TMEM209: variants seen among roughly 807,000 people sequenced by gnomAD.
TMEM209 encodes the protein testicular tissue protein Li 202.
In TMEM209, 65 loss-of-function variants were observed where a neutral mutation model predicts 76.2. That is an observed-to-expected ratio of 0.85 (90% CI 0.70 to 1.05). TMEM209 has a LOEUF of 1.05. Among genes scored for constraint, TMEM209 ranks in the 50% least tolerant of loss-of-function variants. The pLI, the probability that TMEM209 is intolerant of heterozygous loss-of-function variation, is 0.00. For missense variants in TMEM209, 623 were observed against 685.5 expected, an observed-to-expected ratio of 0.91 and a Z score of 1.02; for synonymous variants, 239 against 237.6, an observed-to-expected ratio of 1.01 and a Z score of -0.06.
Position 130,178,519 on chromosome 7 carries a change from T to TA in TMEM209, c.1128dup (p.Ile377TyrfsTer3), listed in dbSNP as rs1797314207. 1 of 1,613,216 alleles carries TA rather than the reference T, an allele frequency of 6.2e-7. No individual in the cohort carries two copies. The highest frequency in any genetic ancestry group is 8.5e-7 in the Non-Finnish European group (1 of 1,179,696). On this transcript the variant is annotated frameshift_variant, in exon 10 of 15. Transcript: ENST00000397622. LOFTEE classifies it high-confidence loss of function. ...AGGGCAGCTTGTTTCAAGCTAGTAA[T>TA]ACTAGCCTCTGTTAACATAAAACAC...
chr7:130,173,212 C>T (rs1361293578), intron 13 of TMEM209, among the ~76,000 whole-genome samples: 11 of 152,024 alleles, frequency 7.2e-5, no homozygotes, highest in South Asian at 4.2e-4. Flanking sequence ...TATACTAGTA[C>T]GTGCTTGTAG....
Position 130,184,389 on chromosome 7 carries a change from T to C in TMEM209, c.952-134A>G, listed in dbSNP as rs1021424449. On this transcript the variant is annotated intron_variant, in intron 7 of 14. Transcript: ENST00000397622. ...TTCCCAAACATCAATATTCATCTAA[T>C]TAATATTCAGTAATTTTCTTATTAC... 14 of 606,720 alleles carry C rather than the reference T, an allele frequency of 2.3e-5. No individual in the cohort carries two copies. The African/African-American group carries it at 2.6e-4, about 11-fold the overall frequency. The allele number at this position is 606,720 out of a possible 1,614,324, so 37.6% of individuals were successfully genotyped here. A position where few individuals can be genotyped will look rare whatever the true frequency, so the allele number is the denominator to read the frequency against.
intron 9 of TMEM209, 76 bp from the exon 10 acceptor site, chr7:130,178,603 T>A: frequency 1.9e-6 from 3 of 1,557,014 alleles, no homozygotes; most frequent in Non-Finnish European, 2.6e-6. Flanking sequence ...GCTCTTCTCA[T>A]GTGTTCATAC....
In TMEM209 at chr7:130,185,293, G is replaced by A; in HGVS notation, c.850C>T (p.Gln284Ter). ...TGATACTGAAACTTCTTTAAAGTTT[G>A]TGCATAATCCCCCATAGAACGACTA... ...NYSRSMGDYA[Q>*]TLKKFQYQLA... Residue 284 changes from glutamine to a stop codon, truncating the protein, a stop_gained, in exon 7 of 15, where the codon CAA becomes TAA. Transcript: ENST00000397622. LOFTEE classifies it high-confidence loss of function. 6.2e-7 allele frequency: 1 copy of A among 1,613,994 alleles called. No individual in the cohort carries two copies. The highest frequency in any genetic ancestry group is 8.5e-7 in the Non-Finnish European group (1 of 1,179,878).
At chr7:130,181,214 T>C (rs1046569123) in intron 9 of TMEM209, among the ~76,000 whole-genome samples, 1 of 152,248 alleles carries the variant, frequency 6.6e-6, no homozygotes, top group Non-Finnish European at 1.5e-5. Context: ...CACAAAGTCA[T>C]GTTCATATTC....
chr7:130,171,512 T>C (rs1203680947), intron 13 of TMEM209, among the ~76,000 whole-genome samples: 1 of 152,048 alleles, frequency 6.6e-6, no homozygotes, highest in Non-Finnish European at 1.5e-5. Flanking sequence ...CAGATGGTGG[T>C]TAAAAAACAA....
intron 9 of TMEM209, among the ~76,000 whole-genome samples, chr7:130,180,582 T>C (rs1375208509): frequency 6.6e-6 from 1 of 152,130 alleles, no homozygotes; most frequent in Admixed American, 6.5e-5. Context: ...TTGGCCAGGC[T>C]GGTATTGAAC....
chr7:130,202,678 T>A lies in TMEM209; in HGVS notation c.200-15A>T. On this transcript the variant is annotated splice_polypyrimidine_tract_variant and intron_variant, in intron 3 of 14. Coordinates refer to ENST00000397622, the MANE Select transcript of TMEM209 (RefSeq NM_032842.4). ...AAGGGCAAGCTCTGGAAGAGAACAA[T>A]TTTTTTTTAATAAGGGGGGTGAGGA... 1 of 1,571,594 alleles carries A rather than the reference T, an allele frequency of 6.4e-7. No homozygotes were observed. The highest frequency in any genetic ancestry group is 8.6e-7 in the Non-Finnish European group (1 of 1,157,606).
chr7:130,204,177 T>C (rs1798335015), intron 1 of TMEM209, 67 bp from the exon 2 acceptor site: 2 of 1,509,072 alleles, frequency 1.3e-6, no homozygotes, highest in Non-Finnish European at 8.8e-7. Flanking sequence ...AAACCAAATT[T>C]TGCATCCCTT....
intron 10 of TMEM209, among the ~76,000 whole-genome samples, chr7:130,176,099 C>T (rs1797226930): frequency 6.7e-6 from 1 of 149,178 alleles, no homozygotes; most frequent in Non-Finnish European, 1.5e-5. Flanking sequence ...TAGAACAAGA[C>T]AGTGTTCACT....
rs1420527574 is a variant in TMEM209 at position 130,192,716 on chromosome 7, G to A, written c.681C>T (p.Asn227=). ...SRYRSSPTVY[N]SPTDKEDYMT... is the part of the protein sequence containing the mutation. ...TGTAGTCTTCTTTGTCAGTAGGTGA[G>A]TTGTAGACGGTAGGTGAAGAACGGT... The change falls in exon 6 of 15, where the codon AAC becomes AAT. Residue 227 remains asparagine (N), a synonymous_variant. Coordinates refer to ENST00000397622, the MANE Select transcript of TMEM209 (RefSeq NM_032842.4). 3.7e-6 allele frequency: 6 copies of A among 1,613,762 alleles called. No homozygotes were observed. The highest frequency in any genetic ancestry group is 4.2e-6 in the Non-Finnish European group (5 of 1,179,788).
intron 9 of TMEM209, among the ~76,000 whole-genome samples, chr7:130,180,790 A>G (rs149621675): frequency 6.6e-6 from 1 of 152,396 alleles, no homozygotes; most frequent in African/African-American, 2.4e-5. Flanking sequence ...CGCCTACTGC[A>G]GGATGACTAT....
intron 5 of TMEM209, among the ~76,000 whole-genome samples, chr7:130,195,610 T>C (rs1365310165): frequency 6.8e-6 from 1 of 146,782 alleles, no homozygotes; most frequent in African/African-American, 2.5e-5. Context: ...TGGTCATCAA[T>C]TATTCCTTAA....
chr7:130,205,147 G>T, intron 1 of TMEM209: 5 of 1,457,274 alleles, frequency 3.4e-6, no homozygotes, highest in Non-Finnish European at 3.6e-6. Context: ...TAGCTTTCGC[G>T]CCACTCAGCC....
chr7:130,172,552 G>T (rs2116974047), intron 13 of TMEM209, among the ~76,000 whole-genome samples: 1 of 152,076 alleles, frequency 6.6e-6, no homozygotes, highest in South Asian at 2.1e-4. Context: ...CACTGTGTTA[G>T]CCAGGATGGT....
intron 6 of TMEM209, among the ~76,000 whole-genome samples, chr7:130,188,428 C>T (rs555753561): frequency 6.6e-6 from 1 of 151,906 alleles, no homozygotes; most frequent in Admixed American, 6.5e-5. Context: ...AACCCCGTCT[C>T]TACTAAAAAT....
chr7:130,183,082 T>C (rs981467901), intron 8 of TMEM209, among the ~76,000 whole-genome samples: 1 of 152,236 alleles, frequency 6.6e-6, no homozygotes, highest in Admixed American at 6.5e-5. Context: ...AGGAAATGTA[T>C]TTGTATTTCT....
rs1272844559 is a variant in TMEM209, at chr7:130,165,007, C to CTTAAATTTGGAA, written c.*1432_*1443dup. ...ATTTACAAATACAGAACTGTACTGA[C>CTTAAATTTGGAA]TTAAATTTGGAATTTACTAATTACT... On this transcript the variant is annotated 3_prime_UTR_variant, in exon 15 of 15. Coordinates refer to ENST00000397622, the MANE Select transcript of TMEM209 (RefSeq NM_032842.4). 6.6e-6 allele frequency: 1 copy of CTTAAATTTGGAA among 152,166 alleles called. No homozygotes were observed. Among genetic ancestry groups the CTTAAATTTGGAA allele is most frequent in the Non-Finnish European group, 1.5e-5 (1 of 68,004 alleles). 9.4% of individuals were successfully genotyped at this position (152,166 alleles called of 1,614,324 possible).
At chr7:130,167,671 G>A (rs769660056) in intron 14 of TMEM209, among the ~76,000 whole-genome samples, 7 of 152,098 alleles carry the variant, frequency 4.6e-5, no homozygotes, top group Non-Finnish European at 8.8e-5. Context: ...GTAAGTCACT[G>A]TGCAGTCAAG....
Sources: allele counts gnomAD v4.1 joint callset (sites outside exome capture counted in the v4.1 genomes callset), GRCh38; gene constraint gnomAD v4.1.1; transcripts MANE v1.5; gene names NCBI Gene and HGNC (gene_info 2026-07-23, HGNC 2026-07-21).